NPHP4: variants seen among roughly 807,000 people sequenced by gnomAD.
The protein encoded by NPHP4 is nephrocystin-4.
A neutral mutation model predicts 155.8 loss-of-function variants in NPHP4; 151 were observed. The observed-to-expected ratio is 0.97, with a 90% CI of 0.85 to 1.11. The LOEUF (loss-of-function observed/expected upper bound fraction) is 1.11. Ranked by LOEUF, NPHP4 falls within the 50% of genes least tolerant of loss-of-function variation. NPHP4 has a pLI of 0.00. For synonymous variants in NPHP4, 845 were observed against 816.8 expected, an observed-to-expected ratio of 1.03 and a Z score of -0.59; for missense variants, 1,956 against 1,925.7, an observed-to-expected ratio of 1.02 and a Z score of -0.29.
At chr1:5,869,955 C>A (rs1171293907) in intron 23 of NPHP4, among the ~76,000 whole-genome samples, 1 of 152,220 alleles carries the variant, frequency 6.6e-6, no homozygotes, top group African/African-American at 2.4e-5. Flanking sequence ...AGTCTGTGCA[C>A]ATACACGCAC....
rs777455007 is a variant in NPHP4 at position 5,877,240 on chromosome 1, C to A, written c.2670G>T (p.Met890Ile). 2 of 1,608,432 alleles carry A rather than the reference C, an allele frequency of 1.2e-6. No individual in the cohort carries two copies. Among genetic ancestry groups the A allele is most frequent in the East Asian group, 4.5e-5 (2 of 44,680 alleles). ...TGCCCTGCCGGGCATGGGTCAGTAG[C>A]ATGGCAGCCAGCTCACTGTCCACGT... ...LADVDSELAA[M>I]LLTHARQGKG... The change falls in exon 20 of 30, where the codon ATG becomes ATT. Residue 890 changes from methionine (M) to isoleucine (I), a missense_variant. Met to Ile is a conservative substitution (Grantham distance 10, BLOSUM62 1). Transcript: ENST00000378156.
chr1:5,864,423 T>A lies in NPHP4; in HGVS notation c.3911A>T (p.His1304Leu). 1 of 1,611,438 alleles carries A rather than the reference T, an allele frequency of 6.2e-7. No homozygotes were observed. Among genetic ancestry groups the A allele is most frequent in the Non-Finnish European group, 8.5e-7 (1 of 1,179,080 alleles). Residue 1304 changes from histidine (H) to leucine (L), a missense_variant, in exon 28 of 30, where the codon CAT becomes CTT. Physicochemically the swap from His to Leu is moderately conservative, Grantham distance 99. Transcript: ENST00000378156. ...RPLRAGSRFV[H>L]LNLVDVDCHQ... ...GCAATCCACGTCCACCAGGTTGAGA[T>A]GGACAAAGCGGCTGCCGGCCCTAAG... is the stretch of plus-strand genomic sequence containing the variant.
chr1:5,975,938 G>A (rs376033711), intron 3 of NPHP4, among the ~76,000 whole-genome samples: 14 of 152,308 alleles, frequency 9.2e-5, no homozygotes, highest in Admixed American at 3.3e-4. Flanking sequence ...TCTGGCCTGC[G>A]CAGCACGGAT....
intron 9 of NPHP4, among the ~76,000 whole-genome samples, chr1:5,937,577 G>A (rs1646608730): frequency 6.6e-6 from 1 of 152,138 alleles, no homozygotes; most frequent in African/African-American, 2.4e-5. Flanking sequence ...CCCAGGAACT[G>A]GGAATGCACA....
chr1:5,877,931 C>T (rs1460007721), intron 19 of NPHP4, among the ~76,000 whole-genome samples: 1 of 152,240 alleles, frequency 6.6e-6, no homozygotes, highest in Non-Finnish European at 1.5e-5. Context: ...GGCAAAGGCT[C>T]AGCCACTACT....
At chr1:5,865,050 C>A (rs1306899120) in intron 27 of NPHP4, 52 bp downstream of exon 27, 3 of 1,582,132 alleles carry the variant, frequency 1.9e-6, no homozygotes, top group Non-Finnish European at 2.6e-6. Context: ...CACTGCCCGT[C>A]TCCAGGCTGG....
At chr1:5,939,763 T>A (rs1347696123) in intron 9 of NPHP4, among the ~76,000 whole-genome samples, 1 of 152,078 alleles carries the variant, frequency 6.6e-6, no homozygotes, top group Admixed American at 6.5e-5. Flanking sequence ...GGGAAGGGGC[T>A]CACGTGAGGC....
intron 16 of NPHP4, 42 bp from the exon 17 acceptor site, chr1:5,891,070 C>A: frequency 1.4e-6 from 2 of 1,403,816 alleles, no homozygotes; most frequent in South Asian, 1.7e-5. Context: ...TAATTGGAGT[C>A]ATTCATCATC....
chr1:5,904,533 T>C, intron 16 of NPHP4, 84 bp downstream of exon 16: 6 of 1,071,332 alleles, frequency 5.6e-6, no homozygotes, highest in Non-Finnish European at 6.7e-6. Context: ...CTTTTCATAG[T>C]ACCACTTATT....
At chr1:5,929,974 A>G (rs960751739) in intron 10 of NPHP4, among the ~76,000 whole-genome samples, 2 of 152,172 alleles carry the variant, frequency 1.3e-5, no homozygotes, top group Non-Finnish European at 2.9e-5. Flanking sequence ...TTCAACTTAC[A>G]TATTAGTTAT....
chr1:5,960,029 C>A (rs1650014997), intron 6 of NPHP4, among the ~76,000 whole-genome samples: 1 of 152,208 alleles, frequency 6.6e-6, no homozygotes, highest in Admixed American at 6.5e-5. Context: ...AGAACAGGGG[C>A]CAGAAGGACA....
chr1:5,947,607 C>T (rs936599422), intron 8 of NPHP4, among the ~76,000 whole-genome samples: 18 of 152,232 alleles, frequency 1.2e-4, no homozygotes, highest in African/African-American at 3.4e-4. Context: ...TTCCTCAAGG[C>T]TGGCCTACGG....
chr1:5,938,912 G>A (rs978669810), intron 9 of NPHP4, among the ~76,000 whole-genome samples: 1 of 152,176 alleles, frequency 6.6e-6, no homozygotes, highest in African/African-American at 2.4e-5. Flanking sequence ...CCACGCATAG[G>A]AATGTTACAT....
chr1:5,903,146 T>C (rs1644755539), intron 16 of NPHP4, among the ~76,000 whole-genome samples: 1 of 152,220 alleles, frequency 6.6e-6, no homozygotes, highest in South Asian at 2.1e-4. Flanking sequence ...CCTTATTAAC[T>C]TGTTTCTGTT....
chr1:5,927,348 G>A (rs912428790), intron 11 of NPHP4, among the ~76,000 whole-genome samples: 3 of 152,122 alleles, frequency 2.0e-5, no homozygotes, highest in Admixed American at 6.5e-5. Flanking sequence ...TCTAACTCTC[G>A]GGTCCCACAT....
chr1:5,938,950 G>A (rs575949017), intron 9 of NPHP4, among the ~76,000 whole-genome samples: 10 of 152,222 alleles, frequency 6.6e-5, no homozygotes, highest in Admixed American at 4.6e-4. Flanking sequence ...TTTCATTGAC[G>A]GAAAATTACT....
chr1:5,940,177 T>C (rs898396559), intron 9 of NPHP4, among the ~76,000 whole-genome samples: 1 of 152,142 alleles, frequency 6.6e-6, no homozygotes, highest in Non-Finnish European at 1.5e-5. Context: ...TGGAGCCTCA[T>C]GAGAGGTGGT....
chr1:5,952,631 C>T (rs545029086), intron 7 of NPHP4, 69 bp downstream of exon 7: 3 of 737,026 alleles, frequency 4.1e-6, no homozygotes, highest in South Asian at 3.2e-5. Context: ...CCCACCTCCT[C>T]CCTGCCCTAC....
chr1:5,872,420 G>A (rs978330976), intron 23 of NPHP4, among the ~76,000 whole-genome samples: 1 of 152,184 alleles, frequency 6.6e-6, no homozygotes. Context: ...GCAACAGGAC[G>A]CGATGGCTGG....
Sources: allele counts gnomAD v4.1 joint callset (sites outside exome capture counted in the v4.1 genomes callset), GRCh38; gene constraint gnomAD v4.1.1; transcripts MANE v1.5; gene names NCBI Gene and HGNC (gene_info 2026-07-23, HGNC 2026-07-21).